The following NKAIN2 variants were observed in gnomAD, a reference collection of about 807,000 sequenced individuals.
NKAIN2 encodes the protein sodium/potassium-transporting ATPase subunit beta-1-interacting protein 2.
NKAIN2 carries 14 observed loss-of-function variants against 32.6 expected under a neutral mutation model. The ratio of observed to expected loss-of-function variants is 0.43; its 90% CI spans 0.28 to 0.67. The LOEUF (loss-of-function observed/expected upper bound fraction) is 0.67. NKAIN2 is among the 30% of genes least tolerant of loss of function. The probability of loss-of-function intolerance (pLI) is 0.17; values close to 1 mark genes in which losing one functional copy is unlikely to be tolerated. For synonymous variants in NKAIN2, 80 were observed against 87.2 expected (o/e 0.92, Z 0.46); for missense variants, 198 against 258.3 (o/e 0.77, Z 1.60).
At chr6:124,754,928 T>C (rs1259870881) in intron 4 of NKAIN2, among the ~76,000 whole-genome samples, 1 of 152,078 alleles carries the variant, frequency 6.6e-6, no homozygotes, top group Non-Finnish European at 1.5e-5. Context: ...ATGTGGTACA[T>C]TCACTGTAAT....
chr6:124,469,762 A>G (rs1406278797), intron 3 of NKAIN2, among the ~76,000 whole-genome samples: 1 of 152,194 alleles, frequency 6.6e-6, no homozygotes, highest in Non-Finnish European at 1.5e-5. Context: ...CCAGAGATCC[A>G]CAATAAAGTG....
chr6:124,461,603 A>G (rs1346842295), intron 3 of NKAIN2, among the ~76,000 whole-genome samples: 2 of 151,802 alleles, frequency 1.3e-5, no homozygotes, highest in Admixed American at 6.6e-5. Flanking sequence ...TTATATATAC[A>G]TATTAAAACT....
At chr6:124,344,927 G>A (rs977794577) in intron 2 of NKAIN2, among the ~76,000 whole-genome samples, 10 of 152,244 alleles carry the variant, frequency 6.6e-5, no homozygotes, top group South Asian at 4.1e-4. Flanking sequence ...CAAAGGGAAC[G>A]CTTCCAGTTT....
intron 1 of NKAIN2, among the ~76,000 whole-genome samples, chr6:124,243,094 A>G (rs936884909): frequency 1.3e-5 from 2 of 152,006 alleles, no homozygotes; most frequent in African/African-American, 4.8e-5. Context: ...GTAAAAGCAC[A>G]GATTTGTCAT....
At chr6:124,354,126 G>T (rs1304152430) in intron 2 of NKAIN2, among the ~76,000 whole-genome samples, 1 of 152,174 alleles carries the variant, frequency 6.6e-6, no homozygotes, top group Non-Finnish European at 1.5e-5. Flanking sequence ...ATCTCTTCTG[G>T]AAGGTGTTTC....
At chr6:123,837,125 T>G (rs535156105) in intron 1 of NKAIN2, among the ~76,000 whole-genome samples, 5 of 152,164 alleles carry the variant, frequency 3.3e-5, no homozygotes, top group Non-Finnish European at 5.9e-5. Flanking sequence ...TACTCTTAAC[T>G]GTTTATACTT....
chr6:124,323,927 A>G (rs545882928), intron 2 of NKAIN2, among the ~76,000 whole-genome samples: 48 of 151,698 alleles, frequency 3.2e-4, no homozygotes, highest in Non-Finnish European at 6.3e-4. Context: ...AGCTGGGACT[A>G]CAGGCGCCTG....
intron 2 of NKAIN2, among the ~76,000 whole-genome samples, chr6:124,330,699 T>C (rs1408156299): frequency 6.6e-6 from 1 of 152,138 alleles, no homozygotes; most frequent in Admixed American, 6.6e-5. Flanking sequence ...TCCCTTACAG[T>C]AGAGGTCCCC....
At chr6:124,408,970 G>C (rs776757786) in intron 3 of NKAIN2, among the ~76,000 whole-genome samples, 1 of 152,156 alleles carries the variant, frequency 6.6e-6, no homozygotes, top group Non-Finnish European at 1.5e-5. Flanking sequence ...TTGTGAATGG[G>C]AGTTCACTCA....
At chr6:124,041,102 CAT>C (rs1236447012) in intron 1 of NKAIN2, among the ~76,000 whole-genome samples, 3 of 151,944 alleles carry the variant, frequency 2.0e-5, no homozygotes, top group African/African-American at 7.2e-5. Context: ...TTTAGGAAGT[CAT>C]GTGAAAATAC....
chr6:124,116,099 A>G (rs879604255), intron 1 of NKAIN2, among the ~76,000 whole-genome samples: 10 of 152,096 alleles, frequency 6.6e-5, no homozygotes, highest in Admixed American at 6.6e-4. Flanking sequence ...ATCAGTAACA[A>G]AATTCTTATT....
At chr6:124,639,616 A>G (rs554243025) in intron 3 of NKAIN2, among the ~76,000 whole-genome samples, 1 of 152,266 alleles carries the variant, frequency 6.6e-6, no homozygotes, top group African/African-American at 2.4e-5. Context: ...CCTGGGCAAC[A>G]GAGTGAGACT....
At chr6:124,389,778 A>G (rs1562149479) in intron 3 of NKAIN2, among the ~76,000 whole-genome samples, 1 of 151,622 alleles carries the variant, frequency 6.6e-6, no homozygotes. Flanking sequence ...TGTAGAAAAG[A>G]AAATAAAAGA....
intron 1 of NKAIN2, among the ~76,000 whole-genome samples, chr6:124,215,100 T>TA (rs1791398128): frequency 6.6e-6 from 1 of 152,014 alleles, no homozygotes; most frequent in Non-Finnish European, 1.5e-5. Flanking sequence ...ATAATGATAT[T>TA]AAAAAAACAA....
chr6:124,235,228 A>G (rs1792687178), intron 1 of NKAIN2, among the ~76,000 whole-genome samples: 2 of 152,184 alleles, frequency 1.3e-5, no homozygotes, highest in Admixed American at 6.5e-5. Flanking sequence ...TGTTTATTCC[A>G]TATGAAAGCT....
At chr6:124,301,721 A>G (rs1796299605) in intron 2 of NKAIN2, among the ~76,000 whole-genome samples, 1 of 152,218 alleles carries the variant, frequency 6.6e-6, no homozygotes, top group African/African-American at 2.4e-5. Context: ...ATTGGATTTC[A>G]GACTTGCATG....
chr6:124,133,398 A>G lies in NKAIN2; in HGVS notation c.55-149607A>G, dbSNP rs138310886. Among the ~76,000 whole-genome samples the G allele has an allele frequency of 1.4e-4, 22 of 152,234 alleles. No individual in the cohort carries two copies. In the East Asian group the frequency reaches 4.3e-3, roughly 30 times the overall value. On this transcript the variant is annotated intron_variant, in intron 1 of 6. Coordinates refer to ENST00000368417, the MANE Select transcript of NKAIN2 (RefSeq NM_001040214.3). ...CTGACCTGGCAAGGGGAGCTGAAGT[A>G]GCTCCCACTCTTCACTCTGATAGAA... is the stretch of plus-strand genomic sequence containing the variant.
At chr6:124,816,717 A>T (rs2114874227) in intron 5 of NKAIN2, among the ~76,000 whole-genome samples, 1 of 152,262 alleles carries the variant, frequency 6.6e-6, no homozygotes, top group South Asian at 2.1e-4. Flanking sequence ...TTAATAAGAG[A>T]ATAACTAGAA....
intron 2 of NKAIN2, among the ~76,000 whole-genome samples, chr6:124,329,027 A>T (rs1026988480): frequency 2.6e-5 from 4 of 152,124 alleles, no homozygotes; most frequent in Admixed American, 6.5e-5. Context: ...AGAGAGTAAA[A>T]CCACAGCCCC....
Sources: allele counts gnomAD v4.1 joint callset (sites outside exome capture counted in the v4.1 genomes callset), GRCh38; gene constraint gnomAD v4.1.1; transcripts MANE v1.5; gene names NCBI Gene and HGNC (gene_info 2026-07-23, HGNC 2026-07-21).